Variants in RALGPS2 observed in about 807,000 individuals in gnomAD.
The protein encoded by RALGPS2 is Ral GEF with PH domain and SH3 binding motif 2, also known as ras-specific guanine nucleotide-releasing factor RalGPS2.
A neutral mutation model predicts 86.8 loss-of-function variants in RALGPS2; 43 were observed. The ratio of observed to expected loss-of-function variants is 0.50; its 90% confidence interval spans 0.39 to 0.64. The LOEUF is 0.64. Among genes scored for constraint, RALGPS2 ranks in the 30% least tolerant of loss-of-function variants. The pLI is 0.00. For missense variants in RALGPS2, 536 were observed against 694.6 expected (o/e 0.77, Z 2.57); for synonymous variants, 243 against 231.3 (o/e 1.05, Z -0.46).
chr1:178,859,174 C>G (rs1657788282), intron 8 of RALGPS2, among the ~76,000 whole-genome samples: 1 of 152,016 alleles, frequency 6.6e-6, no homozygotes, highest in African/African-American at 2.4e-5. Flanking sequence ...CAATTACGTT[C>G]TCATAACTGG....
intron 1 of RALGPS2, chr1:178,747,040 T>G: frequency 2.3e-6 from 2 of 878,348 alleles, no homozygotes; most frequent in Non-Finnish European, 3.9e-6. Context: ...TATAGCCATG[T>G]ATGAGAATCT....
chr1:178,899,978 G>A (rs561210988), intron 17 of RALGPS2, among the ~76,000 whole-genome samples: 42 of 151,998 alleles, frequency 2.8e-4, no homozygotes, highest in African/African-American at 9.4e-4. Flanking sequence ...TGACAATTAC[G>A]TTGTGATTGT....
intron 7 of RALGPS2, among the ~76,000 whole-genome samples, chr1:178,825,469 G>A (rs930063155): frequency 2.6e-5 from 4 of 152,088 alleles, no homozygotes; most frequent in Non-Finnish European, 5.9e-5. Context: ...AAGATCATTG[G>A]AGCAGAAGTC....
intron 8 of RALGPS2, among the ~76,000 whole-genome samples, chr1:178,837,626 T>C (rs554956858): frequency 2.0e-5 from 3 of 152,278 alleles, no homozygotes; most frequent in East Asian, 1.9e-4. Context: ...AGACAGGTGA[T>C]TGATGCATTT....
intron 16 of RALGPS2, among the ~76,000 whole-genome samples, chr1:178,897,149 A>G (rs1214166221): frequency 6.6e-6 from 1 of 152,044 alleles, no homozygotes; most frequent in African/African-American, 2.4e-5. Flanking sequence ...CACTTCTCAA[A>G]AGAAGACATT....
chr1:178,827,921 A>G (rs1181309248), intron 7 of RALGPS2, among the ~76,000 whole-genome samples: 1 of 152,208 alleles, frequency 6.6e-6, no homozygotes, highest in Non-Finnish European at 1.5e-5. Context: ...ATGCAAAAGA[A>G]TGAAACTGGA....
intron 8 of RALGPS2, among the ~76,000 whole-genome samples, chr1:178,860,482 G>A (rs1398894337): frequency 2.0e-5 from 3 of 151,970 alleles, no homozygotes; most frequent in African/African-American, 4.8e-5. Flanking sequence ...ATTTTTAAAT[G>A]TACAGTTTAT....
chr1:178,887,803 CTCT>C (rs1239095095), intron 13 of RALGPS2, among the ~76,000 whole-genome samples: 1 of 152,106 alleles, frequency 6.6e-6, no homozygotes, highest in Non-Finnish European at 1.5e-5. Flanking sequence ...CCTGAAATAC[CTCT>C]TATCAATGTT....
At chr1:178,835,072 C>T (rs1656209154) in intron 8 of RALGPS2, among the ~76,000 whole-genome samples, 1 of 152,212 alleles carries the variant, frequency 6.6e-6, no homozygotes, top group Non-Finnish European at 1.5e-5. Context: ...GCCATCACAC[C>T]CAGCGTGGTG....
At chr1:178,842,884 CA>C (rs1656660482) in intron 8 of RALGPS2, among the ~76,000 whole-genome samples, 1 of 147,330 alleles carries the variant, frequency 6.8e-6, no homozygotes, top group East Asian at 2.1e-4. Context: ...TTTATGCAGC[CA>C]AAAAACACAT....
In RALGPS2 at chr1:178,776,216, G is replaced by A. The variant is rs193107587; in HGVS notation, c.-83-466G>A. ...GATGATTGTATTTTTATGACATGTA[G>A]TTCATAATATTTTAAGTATTTGTGA... On this transcript the variant is annotated intron_variant, in intron 1 of 19. Transcript: ENST00000367635. 2.8e-3 allele frequency among the ~76,000 whole-genome samples: 420 copies of A among 152,202 alleles called. 3 individuals carry two copies. Among genetic ancestry groups the A allele is most frequent in the Non-Finnish European group, 5.2e-3 (354 of 68,000 alleles).
intron 8 of RALGPS2, among the ~76,000 whole-genome samples, chr1:178,861,390 TAA>T (rs755295346): frequency 9.2e-5 from 14 of 152,044 alleles, no homozygotes; most frequent in Admixed American, 6.6e-4. Context: ...AAAATGTGTT[TAA>T]GAGGACTTTT....
In RALGPS2 at chr1:178,865,384, A is replaced by G. The variant is rs140453508; in HGVS notation, c.608-12114A>G. On this transcript the variant is annotated intron_variant, in intron 8 of 19. Transcript: ENST00000367635. ...CATGTAATAATTGCATATAGAGTTG[A>G]GTAACACGAGAGTTCATGTTACGGC... 2.0e-4 allele frequency: 328 copies of G among 1,614,084 alleles called. No homozygotes were observed. In the African/African-American group the frequency reaches 3.6e-3, roughly 18 times the overall value.
At chr1:178,804,979 G>A (rs1409836276) in intron 4 of RALGPS2, among the ~76,000 whole-genome samples, 40 of 143,454 alleles carry the variant, frequency 2.8e-4, no homozygotes, top group South Asian at 6.9e-4. Flanking sequence ...TCTAACTGGT[G>A]TGAGATGGTA....
intron 18 of RALGPS2, among the ~76,000 whole-genome samples, chr1:178,902,780 AAAG>A (rs1413494209): frequency 6.6e-6 from 1 of 152,160 alleles, no homozygotes; most frequent in African/African-American, 2.4e-5. Context: ...ATTTTATTCT[AAAG>A]AATATTTAAG....
Position 178,776,885 on chromosome 1 carries a change from A to G in RALGPS2, c.57+64A>G, listed in dbSNP as rs760583265. The G allele has an allele frequency of 5.4e-6, 7 of 1,307,636 alleles. No homozygotes were observed. The African/African-American group carries it at 5.9e-5, about 11-fold the overall frequency. 81.0% of individuals were successfully genotyped at this position (1,307,636 alleles called of 1,614,324 possible). ...CTGGCTTTCTAATTTTTCAAGCATT[A>G]TGTTTGTTCACATACTTAAATCAGA... On this transcript the variant is annotated intron_variant, in intron 2 of 19. Coordinates refer to ENST00000367635, the MANE Select transcript of RALGPS2 (RefSeq NM_152663.5).
At chr1:178,750,764 A>G (rs1008964286) in intron 1 of RALGPS2, among the ~76,000 whole-genome samples, 3 of 152,192 alleles carry the variant, frequency 2.0e-5, no homozygotes, top group African/African-American at 7.2e-5. Flanking sequence ...AAATGTCCGC[A>G]TATGTTACCT....
chr1:178,845,509 T>A (rs1188468453), intron 8 of RALGPS2, among the ~76,000 whole-genome samples: 2 of 152,204 alleles, frequency 1.3e-5, no homozygotes, highest in Non-Finnish European at 2.9e-5. Flanking sequence ...TAAGGGTTTA[T>A]CCTTACAGCA....
intron 8 of RALGPS2, among the ~76,000 whole-genome samples, chr1:178,859,579 G>A (rs1474709593): frequency 4.1e-5 from 6 of 147,872 alleles, no homozygotes; most frequent in African/African-American, 1.5e-4. Flanking sequence ...AACTTTTTAA[G>A]CTTACCATTT....
Sources: allele counts gnomAD v4.1 joint callset (sites outside exome capture counted in the v4.1 genomes callset), GRCh38; gene constraint gnomAD v4.1.1; transcripts MANE v1.5; gene names NCBI Gene and HGNC (gene_info 2026-07-23, HGNC 2026-07-21).